Variants in ADGRE2 observed in about 807,000 individuals in gnomAD.
ADGRE2 encodes adhesion G protein-coupled receptor E2.
ADGRE2 carries 83 observed loss-of-function variants against 100.8 expected under a neutral mutation model. The observed-to-expected ratio is 0.82, with a 90% CI of 0.69 to 0.99. The LOEUF is 0.99. ADGRE2 is among the 50% of genes least tolerant of loss of function. ADGRE2 has a pLI of 0.00. For missense variants in ADGRE2, 814 were observed against 1,035.7 expected (o/e 0.79, Z 2.94); for synonymous variants, 355 against 413.0 (o/e 0.86, Z 1.70).
At position 14,743,640 on chromosome 19, in the gene ADGRE2, C is replaced by G; in HGVS notation, c.2328G>C (p.Leu776=). The change falls in exon 19 of 21, where the codon CTG becomes CTC. Residue 776 remains leucine, a synonymous_variant. Coordinates refer to ENST00000315576, the MANE Select transcript of ADGRE2 (RefSeq NM_013447.4). Reference sequence around the variant, plus strand: ...CCTGCTGGCTGAGGAGGCAGTACACCAGGAAGATGAAGACACCCTGCAGGC... The same window carrying G: ...CCTGCTGGCTGAGGAGGCAGTACACGAGGAAGATGAAGACACCCTGCAGGC... ...INSLQGVFIF[L]VYCLLSQQVR... is the part of the protein sequence containing the mutation. The G allele has an allele frequency of 6.2e-7, 1 of 1,614,048 alleles. No homozygotes were observed. The highest frequency in any genetic ancestry group is 8.5e-7 in the Non-Finnish European group (1 of 1,180,010).
chr19:14,760,915 T>C (rs62122622), intron 11 of ADGRE2, among the ~76,000 whole-genome samples: 23,333 of 152,104 alleles, frequency 0.15, 3,202 homozygotes, highest in African/African-American at 0.37. Context: ...CAGCCCCTTA[T>C]CGTATTCCAG....
At chr19:14,769,854 C>G (rs760274798) in intron 5 of ADGRE2, among the ~76,000 whole-genome samples, 1 of 152,080 alleles carries the variant, frequency 6.6e-6, no homozygotes, top group African/African-American at 2.4e-5. Flanking sequence ...CCCACCACCA[C>G]GCCCAGCTAA....
chr19:14,753,277 G>T (rs2732805), intron 14 of ADGRE2, among the ~76,000 whole-genome samples: 5 of 151,624 alleles, frequency 3.3e-5, no homozygotes, highest in Non-Finnish European at 2.9e-5. Context: ...ATGTCCAGCA[G>T]GAGACTTGTG....
rs369724342 is a variant in ADGRE2, at chr19:14,774,313, C to T, written c.32-7G>A. On this transcript the variant is annotated splice_polypyrimidine_tract_variant and splice_region_variant and intron_variant, in intron 2 of 20. Transcript: ENST00000315576. ...GTCAGCCAGACACAGAATGCTGCAA[C>T]AGAGAAAGGAAAGGGGGTCAGAGGG... The T allele has an allele frequency of 6.4e-4, 1,008 of 1,563,596 alleles. No homozygotes were observed. Among genetic ancestry groups the T allele is most frequent in the Non-Finnish European group, 8.1e-4 (926 of 1,148,838 alleles).
Position 14,754,968 on chromosome 19 carries a change from G to A in ADGRE2, c.1576C>T (p.His526Tyr), listed in dbSNP as rs758041727. 16 of 1,613,834 alleles carry A rather than the reference G, an allele frequency of 9.9e-6. No individual in the cohort carries two copies. In the South Asian group the frequency reaches 1.8e-4, roughly 18 times the overall value. ...HLSSFAVLMA[H>Y]YDVQEEDPVL... ...AAGGGTCTCACCTGCACATCGTAGT[G>A]GGCCATGAGGACGGCAAAGCTGCTC... Residue 526 changes from histidine to tyrosine, a missense_variant, in exon 14 of 21, where the codon CAC becomes TAC. His to Tyr is a moderately conservative substitution (Grantham distance 83). Coordinates refer to ENST00000315576, the MANE Select transcript of ADGRE2 (RefSeq NM_013447.4).
intron 14 of ADGRE2, 81 bp downstream of exon 14, chr19:14,754,873 T>TA (rs1331582098): frequency 8.6e-5 from 121 of 1,410,020 alleles, no homozygotes; most frequent in East Asian, 4.3e-4. Context: ...AATGCATATA[T>TA]TTTTTTAAAA....
chr19:14,750,830 T>C (rs2043262325), intron 16 of ADGRE2, among the ~76,000 whole-genome samples: 2 of 152,156 alleles, frequency 1.3e-5, no homozygotes, highest in South Asian at 4.1e-4. Flanking sequence ...TATTATTTTT[T>C]AGAGACAAGG....
chr19:14,727,174 T>A, the ADGRE2 span, among the ~76,000 whole-genome samples: 1 of 152,048 alleles, frequency 6.6e-6, no homozygotes, highest in South Asian at 2.1e-4. Context: ...ACTACAGGTG[T>A]CCGCCACCAC....
chr19:14,736,287 G>T, intron 20 of ADGRE2, 43 bp from the exon 21 acceptor site: 1 of 1,359,762 alleles, frequency 7.4e-7, no homozygotes, highest in Non-Finnish European at 1.0e-6. Context: ...TTGAGACAGA[G>T]TTTCACTCTT....
At chr19:14,772,172 C>G in intron 5 of ADGRE2, 170 bp downstream of exon 5, 1 of 941,968 alleles carries the variant, frequency 1.1e-6, no homozygotes, top group South Asian at 1.7e-5. Flanking sequence ...GGCCTTCACA[C>G]CACGCTGCCT....
intron 20 of ADGRE2, among the ~76,000 whole-genome samples, chr19:14,737,778 A>C (rs1470163559): frequency 1.3e-5 from 2 of 152,078 alleles, no homozygotes; most frequent in Non-Finnish European, 2.9e-5. Context: ...CCTGGCCAAC[A>C]TGGTGAAACC....
At chr19:14,764,941 C>T (rs781779138) in intron 10 of ADGRE2, among the ~76,000 whole-genome samples, 5 of 152,012 alleles carry the variant, frequency 3.3e-5, no homozygotes, top group African/African-American at 4.8e-5. Flanking sequence ...CGCTTGAACC[C>T]GGGAGGCAGA....
chr19:14,758,674 G>T (rs1426831259), intron 11 of ADGRE2, among the ~76,000 whole-genome samples: 1 of 152,126 alleles, frequency 6.6e-6, no homozygotes, highest in Non-Finnish European at 1.5e-5. Flanking sequence ...CACGAGGTCA[G>T]GAGATCGAGA....
rs1332677906 is a variant in ADGRE2, at chr19:14,755,067, C to A, written c.1477G>T (p.Gly493Cys). The A allele has an allele frequency of 1.9e-6, 3 of 1,613,876 alleles. No homozygotes were observed. The highest frequency in any genetic ancestry group is 2.5e-6 in the Non-Finnish European group (3 of 1,180,004). Residue 493 changes from glycine to cysteine, a missense_variant, in exon 14 of 21, where the codon GGT becomes TGT. Transcript: ENST00000315576. ...VFWEHGQNGC[G>C]HWATTGCSTI... ...CTGCAGCCTGTGGTGGCCCAGTGAC[C>A]ACATCCATTCTGGCCATGCTCCCAG... is the stretch of plus-strand genomic sequence containing the variant.
rs550719513 is a variant in ADGRE2 at position 14,758,655 on chromosome 19, C to T, written c.1085-2310G>A. Among the ~76,000 whole-genome samples, 380 of 152,122 alleles carry T rather than the reference C, an allele frequency of 2.5e-3. 2 individuals carry two copies. Among genetic ancestry groups the T allele is most frequent in the Non-Finnish European group, 4.2e-3 (284 of 67,974 alleles). On this transcript the variant is annotated intron_variant, in intron 11 of 20. Coordinates refer to ENST00000315576, the MANE Select transcript of ADGRE2 (RefSeq NM_013447.4). ...ATCCCAGCACTTTGGGAGGCTGAGG[C>T]GGGAGGATCACGAGGTCAGGAGATC... is the stretch of plus-strand genomic sequence containing the variant.
chr19:14,771,240 G>T (rs188347269), intron 5 of ADGRE2, among the ~76,000 whole-genome samples: 215 of 152,282 alleles, frequency 1.4e-3, no homozygotes, highest in Middle Eastern at 6.8e-3. Context: ...AGCAGGGCAG[G>T]TCTGCTGAAC....
At chr19:14,764,696 T>A in intron 10 of ADGRE2, 86 bp from the exon 11 acceptor site, 28 of 1,349,962 alleles carry the variant, frequency 2.1e-5, no homozygotes, top group Non-Finnish European at 2.6e-5. Flanking sequence ...AGGGAACAGA[T>A]CCTAGAGACT....
At chr19:14,765,297 C>T (rs1327122696) in intron 10 of ADGRE2, 23 bp downstream of exon 10, 4 of 1,613,950 alleles carry the variant, frequency 2.5e-6, no homozygotes, top group Non-Finnish European at 3.4e-6. Context: ...GCCTCGCCCC[C>T]TTGCCCTGGG....
intron 2 of ADGRE2, 75 bp from the exon 3 acceptor site, chr19:14,774,381 T>G (rs142152620): frequency 0.024 from 33,867 of 1,403,256 alleles, 977 homozygotes; most frequent in East Asian, 0.13. Context: ...ATGCACTTTG[T>G]GGGAGGAGGA....
Sources: gnomAD v4.1 joint callset for allele counts (sites outside exome capture counted in the v4.1 genomes callset) on GRCh38, gnomAD v4.1.1 for gene constraint, MANE v1.5 for transcripts, NCBI Gene and HGNC (gene_info 2026-07-23, HGNC 2026-07-21) for gene names.